Variants in AMD1 observed in about 807,000 individuals in gnomAD.
AMD1 encodes adenosylmethionine decarboxylase 1, also known as S-adenosylmethionine decarboxylase proenzyme.
A neutral mutation model predicts 40.2 loss-of-function variants in AMD1; 11 were observed. The observed-to-expected ratio is 0.27, with a 90% CI of 0.17 to 0.45. AMD1 has a LOEUF of 0.45. AMD1 is among the 20% of genes least tolerant of loss of function. AMD1 has a pLI of 1.00. For missense variants in AMD1, 257 were observed against 410.2 expected (o/e 0.63, Z 3.23); for synonymous variants, 121 against 130.8 (o/e 0.93, Z 0.51).
At chr6:110,886,983 C>G (rs76313604) in intron 1 of AMD1, among the ~76,000 whole-genome samples, 5,373 of 152,196 alleles carry the variant, frequency 0.035, 346 homozygotes, top group East Asian at 0.32. Flanking sequence ...TGGAGAGCTG[C>G]GTAGTATTCC....
At chr6:110,878,827 T>G (rs993201862) in intron 1 of AMD1, among the ~76,000 whole-genome samples, 4 of 152,198 alleles carry the variant, frequency 2.6e-5, no homozygotes, top group Non-Finnish European at 5.9e-5. Flanking sequence ...TTTTATAAAC[T>G]AAAACATAAT....
chr6:110,859,472 C>T, the AMD1 span, among the ~76,000 whole-genome samples: 2 of 152,162 alleles, frequency 1.3e-5, no homozygotes, highest in Non-Finnish European at 2.9e-5. Context: ...CGAAGGTTTC[C>T]GGTTCCCTTG....
chr6:110,815,338 T>G, the AMD1 span: 1 of 369,286 alleles, frequency 2.7e-6, no homozygotes, highest in Non-Finnish European at 4.6e-6. Flanking sequence ...CTCCACCTCT[T>G]CCTCCTCCTC....
At chr6:110,817,197 TAAGGA>T in the AMD1 span, among the ~76,000 whole-genome samples, 1 of 152,174 alleles carries the variant, frequency 6.6e-6, no homozygotes, top group Non-Finnish European at 1.5e-5. Flanking sequence ...AAGTGGTAGA[TAAGGA>T]AAGAATAGTG....
intron 2 of AMD1, chr6:110,888,312 C>G (rs1438184912): frequency 1.3e-5 from 2 of 152,020 alleles, no homozygotes; most frequent in African/African-American, 2.4e-5. Context: ...CTAAACAGCC[C>G]CTCCCCCCCT....
At chr6:110,867,142 CTTTTCTTTT>C in the AMD1 span, among the ~76,000 whole-genome samples, 3 of 150,324 alleles carry the variant, frequency 2.0e-5, no homozygotes, top group African/African-American at 7.3e-5. Flanking sequence ...ATTACTTTTT[CTTTTCTTTT>C]TTTCTTTTTT....
the AMD1 span, among the ~76,000 whole-genome samples, chr6:110,864,611 T>G: frequency 6.6e-5 from 10 of 152,222 alleles, no homozygotes; most frequent in Non-Finnish European, 1.5e-4. Flanking sequence ...ACAGATGTTT[T>G]GAGATAGTGA....
intron 1 of AMD1, among the ~76,000 whole-genome samples, chr6:110,884,602 TTTTTTC>T (rs1785588179): frequency 6.6e-6 from 1 of 152,108 alleles, no homozygotes; most frequent in Admixed American, 6.6e-5. Context: ...CCCAGCTGCC[TTTTTTC>T]TTTTTAAGAG....
At chr6:110,884,453 A>G (rs1005546894) in intron 1 of AMD1, among the ~76,000 whole-genome samples, 1 of 152,194 alleles carries the variant, frequency 6.6e-6, no homozygotes, top group African/African-American at 2.4e-5. Context: ...CTTTGTTTTA[A>G]GAGAGGGTCT....
the AMD1 span, among the ~76,000 whole-genome samples, chr6:110,829,887 C>G: frequency 9.9e-5 from 15 of 152,052 alleles, no homozygotes; most frequent in Non-Finnish European, 1.3e-4. Flanking sequence ...TTCTGAGAAC[C>G]CTGAAGGCTT....
the AMD1 span, chr6:110,859,010 C>A: frequency 5.0e-6 from 6 of 1,191,860 alleles, no homozygotes; most frequent in South Asian, 6.0e-5. Context: ...GCGGCCAGGT[C>A]TTTGGCCTGG....
At chr6:110,833,693 CT>C in the AMD1 span, among the ~76,000 whole-genome samples, 1 of 152,090 alleles carries the variant, frequency 6.6e-6, no homozygotes, top group Non-Finnish European at 1.5e-5. Context: ...ACTCTTTGGC[CT>C]TTGCTTTTCT....
At chr6:110,883,057 C>G (rs752976769) in intron 1 of AMD1, among the ~76,000 whole-genome samples, 10 of 152,098 alleles carry the variant, frequency 6.6e-5, no homozygotes, top group Non-Finnish European at 1.3e-4. Context: ...CATGGGAGGC[C>G]AAGGCTGCAG....
At chr6:110,869,180 G>C in the AMD1 span, among the ~76,000 whole-genome samples, 1 of 151,936 alleles carries the variant, frequency 6.6e-6, no homozygotes, top group African/African-American at 2.4e-5. Context: ...GCCCAGGCTG[G>C]AGTACAGTGG....
Position 110,885,455 on chromosome 6 carries a change from G to T in AMD1, c.111-2050G>T, listed in dbSNP as rs1162656792. Among the ~76,000 whole-genome samples the T allele has an allele frequency of 2.6e-5, 4 of 151,202 alleles. No individual in the cohort carries two copies. The East Asian group carries it at 5.9e-4, about 22-fold the overall frequency. The stretch of plus-strand genomic sequence containing the variant: ...GTTTTGTTTGTTTGTTTTTGAGACG[G>T]AGTCTCCCTCTGTTGCCCAGGCTGG... On this transcript the variant is annotated intron_variant, in intron 1 of 8. Transcript: ENST00000368885.
At chr6:110,815,940 G>A in the AMD1 span, 1 of 152,402 alleles carries the variant, frequency 6.6e-6, no homozygotes. Flanking sequence ...CATTGGCGGG[G>A]GCTGGAGAAT....
intron 1 of AMD1, among the ~76,000 whole-genome samples, chr6:110,881,972 T>G (rs1049140349): frequency 2.0e-5 from 3 of 152,212 alleles, no homozygotes; most frequent in Non-Finnish European, 4.4e-5. Flanking sequence ...TCAATTTGAT[T>G]TATTGACTCT....
intron 4 of AMD1, 158 bp from the exon 5 acceptor site, chr6:110,892,003 T>G: frequency 1.2e-6 from 1 of 840,790 alleles, no homozygotes; most frequent in Non-Finnish European, 1.9e-6. Context: ...CCAAAAGGGG[T>G]GGGATTATAG....
chr6:110,885,193 T>A (rs1785614718), intron 1 of AMD1, among the ~76,000 whole-genome samples: 1 of 152,160 alleles, frequency 6.6e-6, no homozygotes, highest in African/African-American at 2.4e-5. Flanking sequence ...CTCGGCTCAC[T>A]GCAATCTCCA....
Sources: gnomAD v4.1 joint callset for allele counts (sites outside exome capture counted in the v4.1 genomes callset) on GRCh38, gnomAD v4.1.1 for gene constraint, MANE v1.5 for transcripts, NCBI Gene and HGNC (gene_info 2026-07-23, HGNC 2026-07-21) for gene names.